PTPRS: variants seen among roughly 807,000 people sequenced by gnomAD.
PTPRS encodes receptor-type tyrosine-protein phosphatase S.
Under a neutral mutation model 215.3 loss-of-function variants are expected in PTPRS, and 63 were observed. That is an observed-to-expected ratio of 0.29 (90% CI 0.24 to 0.36). The LOEUF (loss-of-function observed/expected upper bound fraction) is 0.36. PTPRS is among the 10% of genes least tolerant of loss of function. PTPRS has a pLI of 1.00. For synonymous variants in PTPRS, 1,404 were observed against 1,191.4 expected (o/e 1.18, Z -3.68); for missense variants, 2,258 against 2,825.8 (o/e 0.80, Z 4.56).
In PTPRS at chr19:5,225,857, C is replaced by T; in HGVS notation, c.2377-13G>A. 1 of 1,609,634 alleles carries T rather than the reference C, an allele frequency of 6.2e-7. No homozygotes were observed. Among genetic ancestry groups the T allele is most frequent in the Non-Finnish European group, 8.5e-7 (1 of 1,176,216 alleles). On this transcript the variant is annotated splice_polypyrimidine_tract_variant and intron_variant, in intron 16 of 37. Transcript: ENST00000262963. Reference sequence around the variant, plus strand: ...TGATGACCATCTCCTGCAGGCACGGCTGGGGGTCAGCACGACGGCTGGGGC... The same window carrying T: ...TGATGACCATCTCCTGCAGGCACGGTTGGGGGTCAGCACGACGGCTGGGGC...
chr19:5,317,680 CA>C (rs1156409202), intron 1 of PTPRS, among the ~76,000 whole-genome samples: 1 of 152,124 alleles, frequency 6.6e-6, no homozygotes, highest in Non-Finnish European at 1.5e-5. Flanking sequence ...GCAAACATCT[CA>C]AATAAGAGAA....
intron 16 of PTPRS, among the ~76,000 whole-genome samples, chr19:5,227,942 C>G (rs1480065742): frequency 6.6e-6 from 1 of 152,048 alleles, no homozygotes; most frequent in Non-Finnish European, 1.5e-5. Context: ...ACACGCACCC[C>G]CCCAAGCACA....
chr19:5,229,326 G>T lies in PTPRS; in HGVS notation c.2366C>A (p.Thr789Lys). The T allele has an allele frequency of 8.7e-6, 12 of 1,378,158 alleles. No homozygotes were observed. The highest frequency in any genetic ancestry group is 1.1e-5 in the Non-Finnish European group (12 of 1,060,694). 85.4% of individuals were successfully genotyped at this position (1,378,158 alleles called of 1,614,324 possible). Residue 789 changes from threonine to lysine, a missense_variant, in exon 16 of 38, where the codon ACG becomes AAG. Thr to Lys is a moderately conservative substitution (Grantham distance 78, BLOSUM62 -1). Transcript: ENST00000262963. ...LADAQWETDD[T>K]AEYEMVITNL... ...AGGGGCGCTACTTACATATTCGGCC[G>T]TGTCATCCGTCTCCCACTGAGCGCG...
chr19:5,289,028 AT>A (rs112196850), intron 1 of PTPRS, among the ~76,000 whole-genome samples: 6,725 of 152,204 alleles, frequency 0.044, 498 homozygotes, highest in African/African-American at 0.15. Flanking sequence ...CATTTGGGGC[AT>A]TGGATGATGT....
At chr19:5,215,649 G>C in intron 26 of PTPRS, 54 bp from the exon 27 acceptor site, 1 of 1,248,438 alleles carries the variant, frequency 8.0e-7, no homozygotes, top group Non-Finnish European at 1.1e-6. Flanking sequence ...GCCAGCCGGG[G>C]ACTCGGGGGA....
rs1266660726 is a variant in PTPRS, at chr19:5,206,729, A to G, written c.*45T>C. The G allele has an allele frequency of 6.4e-7, 1 of 1,572,718 alleles. No homozygotes were observed. Among genetic ancestry groups the G allele is most frequent in the African/African-American group, 1.4e-5 (1 of 73,862 alleles). ...CAGGAGGTCCGCCCGGGAGGGGCAGAGGCATCCGGGGCCAGTGGTGTCGGG... is the reference window on the plus strand; with the variant it reads ...CAGGAGGTCCGCCCGGGAGGGGCAGGGGCATCCGGGGCCAGTGGTGTCGGG... On this transcript the variant is annotated 3_prime_UTR_variant, in exon 38 of 38. Transcript: ENST00000262963.
At chr19:5,248,826 C>T (rs1192305115) in intron 9 of PTPRS, among the ~76,000 whole-genome samples, 2 of 152,338 alleles carry the variant, frequency 1.3e-5, no homozygotes, top group East Asian at 3.9e-4. Flanking sequence ...CCTGGAGCCT[C>T]AGTTTCCTCA....
At chr19:5,267,071 A>T (rs1205212516) in intron 4 of PTPRS, among the ~76,000 whole-genome samples, 1 of 152,174 alleles carries the variant, frequency 6.6e-6, no homozygotes, top group Non-Finnish European at 1.5e-5. Context: ...ATCAATGAAC[A>T]AACAACTCAA....
At chr19:5,282,115 A>G (rs2047903455) in intron 2 of PTPRS, among the ~76,000 whole-genome samples, 1 of 150,608 alleles carries the variant, frequency 6.6e-6, no homozygotes, top group Non-Finnish European at 1.5e-5. Flanking sequence ...GTTCCCTGGG[A>G]CCTCAGACTT....
intron 11 of PTPRS, among the ~76,000 whole-genome samples, chr19:5,242,366 CTAGGA>C (rs1368218309): frequency 3.3e-5 from 5 of 152,048 alleles, no homozygotes; most frequent in Admixed American, 1.3e-4. Context: ...AAAAATTTGG[CTAGGA>C]TAACTGTCCA....
chr19:5,324,226 C>CAAAAAAAAAAA (rs55793961), intron 1 of PTPRS, among the ~76,000 whole-genome samples: 10 of 73,846 alleles, frequency 1.4e-4, no homozygotes, highest in East Asian at 3.5e-4. Flanking sequence ...AACCCTGCCT[C>CAAAAAAAAAAA]AAAAAAAAAA....
chr19:5,229,604 G>A lies in PTPRS; in HGVS notation c.2236C>T (p.Pro746Ser). ...CGGATCTGGCCGTGCTGCCGGCCGG[G>A]CGCGGGCGAGCGCCACAGCACGCGG... ...AIRVLWRSPA[P>S]GRQHGQIRGY... The change falls in exon 15 of 38, where the codon CCC (proline) becomes TCC (serine). Residue 746 changes from proline (P) to serine (S), a missense_variant. Coordinates refer to ENST00000262963, the MANE Select transcript of PTPRS (RefSeq NM_002850.4). 7.0e-7 allele frequency: 1 copy of A among 1,421,076 alleles called. No individual in the cohort carries two copies. The highest frequency in any genetic ancestry group is 9.2e-7 in the Non-Finnish European group (1 of 1,088,290). 88.0% of individuals were successfully genotyped at this position (1,421,076 alleles called of 1,614,324 possible). A position where few individuals can be genotyped will look rare whatever the true frequency, so the allele number is the denominator to read the frequency against.
At chr19:5,310,318 C>CTT (rs35505548) in intron 1 of PTPRS, among the ~76,000 whole-genome samples, 23 of 134,338 alleles carry the variant, frequency 1.7e-4, no homozygotes, top group South Asian at 4.7e-4. Context: ...TTTTTCTTTT[C>CTT]TTTTTTTTTT....
At chr19:5,240,786 C>T (rs944174417) in intron 11 of PTPRS, among the ~76,000 whole-genome samples, 14 of 150,484 alleles carry the variant, frequency 9.3e-5, no homozygotes, top group Admixed American at 4.0e-4. Flanking sequence ...TTGCAGTCAG[C>T]GGAGATCGCG....
intron 6 of PTPRS, 76 bp downstream of exon 6, chr19:5,262,888 T>TGAGGAGAAGGG: frequency 1.4e-6 from 2 of 1,437,310 alleles, no homozygotes; most frequent in Non-Finnish European, 1.9e-6. Context: ...GTTAGTTTGG[T>TGAGGAGAAGGG]GAGGAGAAGG....
intron 2 of PTPRS, among the ~76,000 whole-genome samples, chr19:5,274,853 G>A (rs2047223365): frequency 6.6e-6 from 1 of 152,134 alleles, no homozygotes; most frequent in South Asian, 2.1e-4. Context: ...CCCAGCATGG[G>A]GGCGGGGGGT....
chr19:5,221,156 G>A lies in PTPRS; in HGVS notation c.3299C>T (p.Thr1100Ile). The A allele has an allele frequency of 1.2e-6, 2 of 1,613,988 alleles. No homozygotes were observed. The change falls in exon 20 of 38, where the codon ACC becomes ATC. Residue 1100 changes from threonine to isoleucine, a missense_variant. Thr to Ile is a moderately conservative substitution (Grantham distance 89). Around this residue, in one of 6 missense-constraint regions of PTPRS, gnomAD observed 927 missense variants for 1,125.9 expected, o/e 0.82. Transcript: ENST00000262963. Reference protein sequence around the residue: ...KPHTFYNFVLTNRGSSLGGLQ... With the variant: ...KPHTFYNFVLINRGSSLGGLQ... ...GCCGCCCAGGCTGCTGCCGCGATTGGTCAGCACAAAGTTGTAGAAGGTGTG... is the reference window on the plus strand; with the variant it reads ...GCCGCCCAGGCTGCTGCCGCGATTGATCAGCACAAAGTTGTAGAAGGTGTG...
In PTPRS at chr19:5,245,756, G is replaced by A. The variant is rs755000421; in HGVS notation, c.988+20C>T. The A allele has an allele frequency of 3.9e-6, 6 of 1,546,852 alleles. No homozygotes were observed. Among genetic ancestry groups the A allele is most frequent in the Admixed American group, 3.7e-5 (2 of 54,700 alleles). On this transcript the variant is annotated intron_variant, in intron 10 of 37. Transcript: ENST00000262963. ...CTCCAGCCTGCCCCTCCACCTACGA[G>A]CCCCATGGGCCCTGCTCACATTTCA...
Position 5,295,890 on chromosome 19 carries a change from G to T in PTPRS, c.-94-9656C>A, listed in dbSNP as rs891621931. 2.0e-5 allele frequency among the ~76,000 whole-genome samples: 3 copies of T among 152,098 alleles called. No homozygotes were observed. The highest frequency in any genetic ancestry group is 4.4e-5 in the Non-Finnish European group (3 of 68,024). On this transcript the variant is annotated intron_variant, in intron 1 of 37. Transcript: ENST00000262963. The surrounding 1 kb of genome is among the most constrained non-coding windows in gnomAD (Gnocchi z 4.6). ...CCACCTCAGCCTCCTGAGTAGCTTG[G>T]ACTACAGGCACATGCCACCACGTCT...
Sources: allele counts gnomAD v4.1 joint callset (sites outside exome capture counted in the v4.1 genomes callset), GRCh38; gene constraint gnomAD v4.1.1; regional missense constraint gnomAD v4.1.1; non-coding constraint Gnocchi (gnomAD v3.1); transcripts MANE v1.5; gene names NCBI Gene and HGNC (gene_info 2026-07-23, HGNC 2026-07-21).